The following GSE1 variants were observed in gnomAD, a reference collection of about 807,000 sequenced individuals.
GSE1 encodes the protein genetic suppressor element 1.
GSE1 carries 32 observed loss-of-function variants against 112.6 expected under a neutral mutation model. The ratio of observed to expected loss-of-function variants is 0.28; its 90% CI spans 0.21 to 0.38. GSE1 has a LOEUF of 0.38. GSE1 is among the 10% of genes least tolerant of loss of function. GSE1 has a pLI of 1.00. For missense variants in GSE1, 2,348 were observed against 1,699.2 expected (o/e 1.38, Z -6.71); for synonymous variants, 1,115 against 735.6 (o/e 1.52, Z -8.35).
At position 85,331,363 on chromosome 16, in the gene GSE1, GTGTA is replaced by G. The variant is rs1377931332; in HGVS notation, c.2284-26098_2284-26095del. Among the ~76,000 whole-genome samples the G allele has an allele frequency of 4.6e-4, 21 of 45,434 alleles. 2 individuals carry two copies. The highest frequency in any genetic ancestry group is 6.8e-4 in the African/African-American group (11 of 16,266). The allele number at this position is 45,434 out of a possible 152,430, so 29.8% of individuals were successfully genotyped here. A position where few individuals can be genotyped will look rare whatever the true frequency, so the allele number is the denominator to read the frequency against. On this transcript the variant is annotated intron_variant, in intron 1 of 2. Transcript: ENST00000637419. ...TGTGTGTGTGTGTGTGTGTGTGTGT[GTGTA>G]TATATGTATATATATGTATATATAT...
At chr16:85,172,986 C>T (rs988277226) in intron 1 of GSE1, among the ~76,000 whole-genome samples, 2 of 152,234 alleles carry the variant, frequency 1.3e-5, no homozygotes, top group Non-Finnish European at 2.9e-5. Flanking sequence ...CAGCTTTGGA[C>T]TTTCAAGCTG....
At chr16:85,420,956 G>GCCT (rs2048828849) in intron 2 of GSE1, among the ~76,000 whole-genome samples, 1 of 152,138 alleles carries the variant, frequency 6.6e-6, no homozygotes, top group Admixed American at 6.5e-5. Flanking sequence ...GCTGCAGTCG[G>GCCT]GCTGCAGCGT....
At chr16:85,641,723 C>G (rs1020276779) in intron 2 of GSE1, among the ~76,000 whole-genome samples, 1 of 152,246 alleles carries the variant, frequency 6.6e-6, no homozygotes, top group African/African-American at 2.4e-5. Context: ...GGCTGATTGG[C>G]TCTTTCCTCT....
chr16:85,486,931 A>C (rs542364949), intron 2 of GSE1, among the ~76,000 whole-genome samples: 11 of 151,900 alleles, frequency 7.2e-5, no homozygotes, highest in Non-Finnish European at 1.2e-4. Context: ...ATAGTTTTTT[A>C]CTGATGAGTG....
At chr16:85,594,485 G>C (rs2151449251) in intron 1 of GSE1, 1 of 152,352 alleles carries the variant, frequency 6.6e-6, no homozygotes, top group Non-Finnish European at 1.5e-5. Flanking sequence ...TTAGCTCCTA[G>C]ACTTCAGGAA....
intron 2 of GSE1, among the ~76,000 whole-genome samples, chr16:85,534,422 A>T (rs961815612): frequency 2.0e-5 from 3 of 151,974 alleles, no homozygotes; most frequent in African/African-American, 7.3e-5. Context: ...ACGCCCGGCC[A>T]ATTTCTTTTT....
chr16:85,464,438 G>T (rs967392751), intron 2 of GSE1, among the ~76,000 whole-genome samples: 6 of 152,218 alleles, frequency 3.9e-5, no homozygotes, highest in African/African-American at 1.4e-4. Flanking sequence ...TTTGATCACG[G>T]CTCCCCTCTG....
chr16:85,446,752 C>T (rs2049525325), intron 2 of GSE1, among the ~76,000 whole-genome samples: 1 of 152,130 alleles, frequency 6.6e-6, no homozygotes, highest in South Asian at 2.1e-4. Context: ...GAGGCGGTAG[C>T]CTGCGTCCTG....
intron 2 of GSE1, among the ~76,000 whole-genome samples, chr16:85,413,315 C>T (rs1247558592): frequency 6.6e-6 from 1 of 152,098 alleles, no homozygotes; most frequent in African/African-American, 2.4e-5. Context: ...GTAGCTTTGG[C>T]GCTTTACCTA....
chr16:85,272,489 T>C (rs760471323), intron 1 of GSE1, among the ~76,000 whole-genome samples: 1 of 152,232 alleles, frequency 6.6e-6, no homozygotes, highest in Non-Finnish European at 1.5e-5. Context: ...ATGTCACCCT[T>C]CGGCCATAGG....
upstream of GSE1, chr16:85,555,484 CCT>C (rs1362207206): frequency 2.0e-6 from 2 of 985,166 alleles, no homozygotes; most frequent in Non-Finnish European, 2.4e-6. Context: ...GCAATCGCCG[CCT>C]CTTTTATTTA....
rs114156834 is a variant in GSE1, at chr16:85,502,563, C to T, written c.2465-131351C>T. The stretch of plus-strand genomic sequence containing the variant: ...GCGCTGGGCCAGGCCTGAGCCAAGG[C>T]CTCCACCTGGTGGTCCGAGTTCTTG... On this transcript the variant is annotated intron_variant, in intron 2 of 2. Transcript: ENST00000637419. 2.6e-3 allele frequency among the ~76,000 whole-genome samples: 397 copies of T among 152,338 alleles called. 2 individuals are homozygous for T. Among genetic ancestry groups the T allele is most frequent in the African/African-American group, 8.8e-3 (367 of 41,566 alleles).
intron 2 of GSE1, among the ~76,000 whole-genome samples, chr16:85,382,209 C>T (rs1411726197): frequency 6.6e-6 from 1 of 152,102 alleles, no homozygotes; most frequent in Non-Finnish European, 1.5e-5. Context: ...CTCGATGGCT[C>T]ATCTCCCCTG....
At chr16:85,623,389 A>T (rs2048862694) in intron 1 of GSE1, among the ~76,000 whole-genome samples, 1 of 152,106 alleles carries the variant, frequency 6.6e-6, no homozygotes, top group African/African-American at 2.4e-5. Flanking sequence ...CCTCTTGTCC[A>T]ATCATTTGCA....
chr16:85,297,981 G>C (rs1040967100), intron 1 of GSE1, among the ~76,000 whole-genome samples: 12 of 152,312 alleles, frequency 7.9e-5, no homozygotes, highest in African/African-American at 2.9e-4. Context: ...GTTATCTTGA[G>C]CTCAGCTTAT....
At chr16:85,659,133 G>A (rs1209393769) in intron 8 of GSE1, among the ~76,000 whole-genome samples, 1 of 152,224 alleles carries the variant, frequency 6.6e-6, no homozygotes, top group Admixed American at 6.5e-5. Context: ...GTTCCCTGTT[G>A]TATTCTGCTA....
chr16:85,598,460 T>C (rs1308796767), intron 1 of GSE1, among the ~76,000 whole-genome samples: 3 of 152,200 alleles, frequency 2.0e-5, no homozygotes, highest in Admixed American at 6.5e-5. Flanking sequence ...CTCCAAACGA[T>C]GCATATTAGA....
At chr16:85,353,588 A>T (rs954513141) in intron 1 of GSE1, among the ~76,000 whole-genome samples, 2 of 152,204 alleles carry the variant, frequency 1.3e-5, no homozygotes, top group Non-Finnish European at 2.9e-5. Flanking sequence ...AGTCCCAACT[A>T]CCTGGGAAGC....
intron 1 of GSE1, among the ~76,000 whole-genome samples, chr16:85,329,493 T>A (rs1156712995): frequency 6.6e-6 from 1 of 151,940 alleles, no homozygotes; most frequent in Non-Finnish European, 1.5e-5. Flanking sequence ...CAGAGCCACC[T>A]GCAGGTGGAC....
Sources: allele counts gnomAD v4.1 joint callset (sites outside exome capture counted in the v4.1 genomes callset), GRCh38; gene constraint gnomAD v4.1.1; transcripts MANE v1.5; gene names NCBI Gene and HGNC (gene_info 2026-07-23, HGNC 2026-07-21).